Variants in BCR observed in about 807,000 individuals in gnomAD.
BCR encodes the protein BCR activator of RhoGEF and GTPase.
BCR carries 58 observed loss-of-function variants against 138.6 expected under a neutral mutation model. The ratio of observed to expected loss-of-function variants is 0.42; its 90% confidence interval spans 0.34 to 0.52. The LOEUF is 0.52. Ranked by LOEUF, BCR falls within the 20% of genes least tolerant of loss-of-function variation. The probability of loss-of-function intolerance (pLI) is 0.06; values close to 1 mark genes in which losing one functional copy is unlikely to be tolerated. For synonymous variants in BCR, 786 were observed against 730.1 expected (o/e 1.08, Z -1.23); for missense variants, 1,599 against 1,727.2 (o/e 0.93, Z 1.32).
chr22:23,261,483 C>T lies in BCR; in HGVS notation c.1695C>T (p.Phe565=), dbSNP rs747346679. The T allele has an allele frequency of 4.3e-6, 7 of 1,613,590 alleles. No homozygotes were observed. Among genetic ancestry groups the T allele is most frequent in the Middle Eastern group, 1.7e-4 (1 of 6,056 alleles). Residue 565 remains phenylalanine (F), a synonymous_variant, in exon 4 of 23, where the codon TTC becomes TTT. Coordinates refer to ENST00000305877, the MANE Select transcript of BCR (RefSeq NM_004327.4). ...ACAAGGAGTTCTATGATGGGCTCTTCCCCCGCGTGCAGCAGTGGAGCCACC... is the reference window on the plus strand; with the variant it reads ...ACAAGGAGTTCTATGATGGGCTCTTTCCCCGCGTGCAGCAGTGGAGCCACC... The part of the protein sequence containing the change: ...EIHKEFYDGL[F]PRVQQWSHQQ...
intron 1 of BCR, among the ~76,000 whole-genome samples, chr22:23,213,632 G>T (rs965053272): frequency 6.6e-6 from 1 of 152,164 alleles, no homozygotes; most frequent in African/African-American, 2.4e-5. Flanking sequence ...AGACCAGCCT[G>T]GGCAAGAAAG....
intron 21 of BCR, among the ~76,000 whole-genome samples, chr22:23,314,284 A>G (rs969900439): frequency 1.1e-4 from 16 of 152,164 alleles, no homozygotes; most frequent in African/African-American, 3.9e-4. Flanking sequence ...GCCTTAAAAA[A>G]GAGCTCAGAG....
At chr22:23,243,315 G>T (rs568443157) in intron 1 of BCR, among the ~76,000 whole-genome samples, 3 of 152,156 alleles carry the variant, frequency 2.0e-5, no homozygotes, top group African/African-American at 4.8e-5. Flanking sequence ...TCTGGGGATG[G>T]GGAGAGGGGT....
At chr22:23,310,713 C>G (rs1021196189) in intron 18 of BCR, among the ~76,000 whole-genome samples, 9 of 152,208 alleles carry the variant, frequency 5.9e-5, no homozygotes, top group Non-Finnish European at 1.2e-4. Flanking sequence ...GTCCCAGATT[C>G]CTGTTGAATG....
At position 23,220,056 on chromosome 22, in the gene BCR, G is replaced by A. The variant is rs2072805372; in HGVS notation, c.1280-33743G>A. ...GTGTCATGTGTGGCTGCACAGAGGG[G>A]AGGGGCTGTTCTGCCACCTGCCCTT... On this transcript the variant is annotated intron_variant, in intron 1 of 22. Coordinates refer to ENST00000305877, the MANE Select transcript of BCR (RefSeq NM_004327.4). Among the ~76,000 whole-genome samples, 3 of 152,208 alleles carry A rather than the reference G, an allele frequency of 2.0e-5. No homozygotes were observed. The South Asian group carries it at 6.2e-4, about 32-fold the overall frequency.
chr22:23,207,075 A>G (rs957416498), intron 1 of BCR, among the ~76,000 whole-genome samples: 4 of 151,918 alleles, frequency 2.6e-5, no homozygotes, highest in African/African-American at 9.7e-5. Flanking sequence ...GCATCCATTC[A>G]GTCATCACCT....
chr22:23,262,842 G>T, intron 4 of BCR: 1 of 1,037,382 alleles, frequency 9.6e-7, no homozygotes, highest in Non-Finnish European at 1.2e-6. Context: ...GAAGCAGGGC[G>T]GAAGGGAAGC....
intron 8 of BCR, among the ~76,000 whole-genome samples, chr22:23,282,893 C>T (rs565917733): frequency 2.6e-5 from 4 of 152,318 alleles, no homozygotes; most frequent in Admixed American, 1.3e-4. Context: ...GTTGTGGACT[C>T]CTGAGGGTAG....
chr22:23,297,487 G>A (rs755049653), intron 16 of BCR, among the ~76,000 whole-genome samples: 1 of 152,096 alleles, frequency 6.6e-6, no homozygotes, highest in Admixed American at 6.6e-5. Flanking sequence ...TGGGTATTCA[G>A]GGAGGTAGAG....
chr22:23,187,472 T>G (rs569038237), intron 1 of BCR, among the ~76,000 whole-genome samples: 4 of 149,194 alleles, frequency 2.7e-5, no homozygotes, highest in African/African-American at 7.5e-5. Context: ...ACAGCAGACG[T>G]TTCTCCTTCT....
chr22:23,187,499 C>CTCTT (rs763149441), intron 1 of BCR, among the ~76,000 whole-genome samples: 7 of 140,700 alleles, frequency 5.0e-5, no homozygotes, highest in South Asian at 2.3e-4. Context: ...CTCTCTCTCT[C>CTCTT]TTTTTTTTTT....
chr22:23,301,984 C>T (rs1302883421), intron 16 of BCR, among the ~76,000 whole-genome samples: 2 of 152,190 alleles, frequency 1.3e-5, no homozygotes, highest in Non-Finnish European at 2.9e-5. Flanking sequence ...GTGGGCACCA[C>T]CACAGCTTTG....
At chr22:23,184,422 A>C (rs2072312711) in intron 1 of BCR, among the ~76,000 whole-genome samples, 1 of 152,198 alleles carries the variant, frequency 6.6e-6, no homozygotes, top group Non-Finnish European at 1.5e-5. Flanking sequence ...AAGGTCACTT[A>C]AACATTTTTA....
chr22:23,304,241 C>G (rs892648088), intron 16 of BCR, among the ~76,000 whole-genome samples: 5 of 151,796 alleles, frequency 3.3e-5, no homozygotes, highest in African/African-American at 1.2e-4. Context: ...TGCCCAGCCC[C>G]TGTTCCCAGT....
rs560710261 is a variant in BCR at position 23,309,478 on chromosome 22, A to C, written c.3067A>C (p.Asn1023His). Residue 1023 changes from asparagine to histidine, a missense_variant, in exon 17 of 23, where the codon AAT becomes CAT. By Grantham distance (68) the Asn-to-His change is moderately conservative (BLOSUM62 1). Coordinates refer to ENST00000305877, the MANE Select transcript of BCR (RefSeq NM_004327.4). ...RDWQRTVIAM[N>H]GIEVKLSVKF... ...CTGGCAGCGCACCGTCATCGCCATG[A>C]ATGGGGTACGTGTCCGTGGGACTCT... is the stretch of plus-strand genomic sequence containing the variant. The C allele has an allele frequency of 6.3e-7, 1 of 1,599,796 alleles. No individual in the cohort carries two copies. Among genetic ancestry groups the C allele is most frequent in the East Asian group, 2.2e-5 (1 of 44,456 alleles).
chr22:23,254,416 C>A, intron 2 of BCR: 1 of 503,542 alleles, frequency 2.0e-6, no homozygotes, highest in South Asian at 1.5e-5. Context: ...TTTCACTTGA[C>A]CCTCATTAAT....
At chr22:23,284,957 T>C (rs2073693596) in intron 9 of BCR, 76 bp from the exon 10 acceptor site, 1 of 1,502,450 alleles carries the variant, frequency 6.7e-7, no homozygotes, top group African/African-American at 1.4e-5. Context: ...CACTGGCTCT[T>C]GGGCTCTTGA....
At chr22:23,191,693 C>T (rs917027780) in intron 1 of BCR, among the ~76,000 whole-genome samples, 3 of 152,110 alleles carry the variant, frequency 2.0e-5, no homozygotes, top group Non-Finnish European at 2.9e-5. Context: ...AGGTCTGTGT[C>T]TCGGGCCCCG....
intron 16 of BCR, among the ~76,000 whole-genome samples, chr22:23,305,130 A>C (rs1040190207): frequency 1.4e-5 from 2 of 138,966 alleles, no homozygotes; most frequent in African/African-American, 5.4e-5. Flanking sequence ...AAAAAAAAAA[A>C]GGTGCAGGAT....
Sources: gnomAD v4.1 joint callset for allele counts (sites outside exome capture counted in the v4.1 genomes callset) on GRCh38, gnomAD v4.1.1 for gene constraint, MANE v1.5 for transcripts, NCBI Gene and HGNC (gene_info 2026-07-23, HGNC 2026-07-21) for gene names.